The following TTK variants were observed in gnomAD, a reference collection of about 807,000 sequenced individuals.
TTK encodes TTK protein kinase.
A neutral mutation model predicts 117.3 loss-of-function variants in TTK; 59 were observed. The ratio of observed to expected loss-of-function variants is 0.50; its 90% CI spans 0.41 to 0.62. The LOEUF is 0.62. TTK is among the 20% of genes least tolerant of loss of function. The pLI, the probability that TTK is intolerant of heterozygous loss-of-function variation, is 0.00. For missense variants in TTK, 921 were observed against 989.4 expected (o/e 0.93, Z 0.93); for synonymous variants, 302 against 325.0 (o/e 0.93, Z 0.76).
intron 5 of TTK, 39 bp downstream of exon 5, chr6:80,010,996 A>G: frequency 1.3e-6 from 2 of 1,557,738 alleles, no homozygotes; most frequent in Non-Finnish European, 1.7e-6. Flanking sequence ...TGTGGTAGGT[A>G]GTACTTCAAA....
chr6:80,041,341 A>T (rs1256359293), intron 21 of TTK, among the ~76,000 whole-genome samples: 2 of 151,942 alleles, frequency 1.3e-5, no homozygotes, highest in African/African-American at 2.4e-5. Context: ...AATCCATCTA[A>T]GTTGCCAAGA....
At chr6:80,006,295 ATGGT>A in intron 2 of TTK, 1 of 291,762 alleles carries the variant, frequency 3.4e-6, no homozygotes, top group Non-Finnish European at 6.6e-6. Flanking sequence ...TGTATTTCAA[ATGGT>A]TGGTCATTTG....
At chr6:80,040,843 CAT>C (rs1419242155) in intron 21 of TTK, 140 bp downstream of exon 21, 23 of 670,910 alleles carry the variant, frequency 3.4e-5, no homozygotes, top group South Asian at 1.2e-4. Context: ...AGATACTTAA[CAT>C]GTGCATTTTG....
intron 9 of TTK, among the ~76,000 whole-genome samples, chr6:80,014,058 C>G (rs1318699535): frequency 6.6e-6 from 1 of 152,070 alleles, no homozygotes; most frequent in East Asian, 1.9e-4. Flanking sequence ...TTTAGAGTAA[C>G]TACTCTCTTA....
At chr6:80,040,791 G>C in intron 21 of TTK, 88 bp downstream of exon 21, 1 of 1,217,456 alleles carries the variant, frequency 8.2e-7, no homozygotes, top group Non-Finnish European at 1.2e-6. Flanking sequence ...AAGAAAAGTT[G>C]GTCCAATCAT....
At chr6:80,009,040 T>C (rs1175522964) in intron 4 of TTK, among the ~76,000 whole-genome samples, 1 of 151,720 alleles carries the variant, frequency 6.6e-6, no homozygotes, top group Non-Finnish European at 1.5e-5. Flanking sequence ...CACTTGGTTC[T>C]TCATAGTCTG....
rs773610148 is a variant in TTK, at chr6:80,035,081, G to A, written c.1711G>A (p.Glu571Lys). The A allele has an allele frequency of 3.1e-6, 5 of 1,602,758 alleles. No homozygotes were observed. Among genetic ancestry groups the A allele is most frequent in the Non-Finnish European group, 4.2e-6 (5 of 1,176,484 alleles). Residue 571 changes from glutamate to lysine, a missense_variant, in exon 15 of 22, where the codon GAA (glutamate) becomes AAA (lysine). Glu to Lys is a moderately conservative substitution (Grantham distance 56, BLOSUM62 1). Transcript: ENST00000369798. ...DNQTLDSYRN[E>K]IAYLNKLQQH... Reference sequence around the variant, plus strand: ...CCAAACTCTTGATAGTTACCGGAACGAAATAGCTTATTTGAATAAACTACA... The same window carrying A: ...CCAAACTCTTGATAGTTACCGGAACAAAATAGCTTATTTGAATAAACTACA...
chr6:80,041,886 T>C (rs1008425639), intron 21 of TTK, among the ~76,000 whole-genome samples: 2 of 151,712 alleles, frequency 1.3e-5, no homozygotes, highest in African/African-American at 4.8e-5. Flanking sequence ...GTAGCTCTGT[T>C]ATATTTCTCT....
At chr6:80,031,605 C>T in intron 14 of TTK, 46 bp downstream of exon 14, 1 of 1,394,412 alleles carries the variant, frequency 7.2e-7, no homozygotes, top group Non-Finnish European at 9.5e-7. Context: ...ATATTTTAAA[C>T]TTTCTGTTTT....
intron 8 of TTK, 109 bp from the exon 9 acceptor site, chr6:80,013,170 C>T (rs1386135082): frequency 2.4e-6 from 2 of 832,316 alleles, no homozygotes; most frequent in South Asian, 1.8e-5. Flanking sequence ...AGATTTTTTT[C>T]AATAAAAAGT....
At chr6:80,016,609 A>T (rs756705179) in intron 10 of TTK, among the ~76,000 whole-genome samples, 26 of 152,018 alleles carry the variant, frequency 1.7e-4, no homozygotes, top group Non-Finnish European at 3.1e-4. Context: ...TATTTATATG[A>T]TCTAGATATA....
At chr6:80,007,670 C>T (rs1767029034) in intron 2 of TTK, 139 bp from the exon 3 acceptor site, 2 of 565,160 alleles carry the variant, frequency 3.5e-6, no homozygotes, top group Admixed American at 3.8e-5. Context: ...TGAACTTTTA[C>T]AATTTTAAAA....
At chr6:80,033,306 A>G (rs1389909366) in intron 14 of TTK, among the ~76,000 whole-genome samples, 3 of 152,142 alleles carry the variant, frequency 2.0e-5, no homozygotes, top group East Asian at 1.9e-4. Flanking sequence ...AGATATCCTC[A>G]TGTGTCTTCT....
chr6:80,007,484 A>G (rs1185842224), intron 2 of TTK, among the ~76,000 whole-genome samples: 1 of 152,124 alleles, frequency 6.6e-6, no homozygotes, highest in Non-Finnish European at 1.5e-5. Context: ...TGCTAAAATT[A>G]TAGTTATCCT....
Position 80,011,799 on chromosome 6 carries a change from C to T in TTK, c.799C>T (p.Gln267Ter). 4.3e-6 allele frequency: 7 copies of T among 1,612,602 alleles called. No individual in the cohort carries two copies. Among genetic ancestry groups the T allele is most frequent in the Non-Finnish European group, 5.9e-6 (7 of 1,179,110 alleles). ...NSLRQTNKTK[Q>*]SCPFGRVPVN... ...ATTGAGACAAACTAACAAAACTAAA[C>T]AGGTAAGTTACTTTCAATCTGCTTG... The change falls in exon 7 of 22, where the codon CAG becomes TAG. Residue 267 changes from glutamine (Q) to a stop codon, truncating the protein, a stop_gained and splice_region_variant. Coordinates refer to ENST00000369798, the MANE Select transcript of TTK (RefSeq NM_003318.5). LOFTEE classifies it high-confidence loss of function.
Position 80,010,802 on chromosome 6 carries a change from T to C in TTK, c.470-12T>C. On this transcript the variant is annotated splice_polypyrimidine_tract_variant and intron_variant, in intron 4 of 21. Coordinates refer to ENST00000369798, the MANE Select transcript of TTK (RefSeq NM_003318.5). ...ACTGCCTAAAAATGACAATTATCTTTTGCTTTGTTAGGTAATGTCAAAAAA... is the reference window on the plus strand; with the variant it reads ...ACTGCCTAAAAATGACAATTATCTTCTGCTTTGTTAGGTAATGTCAAAAAA... The C allele has an allele frequency of 6.2e-7, 1 of 1,603,708 alleles. No homozygotes were observed. The highest frequency in any genetic ancestry group is 1.1e-5 in the South Asian group (1 of 89,930).
At chr6:80,039,629 A>C in intron 18 of TTK, 67 bp from the exon 19 acceptor site, 1 of 1,200,590 alleles carries the variant, frequency 8.3e-7, no homozygotes, top group South Asian at 1.9e-5. Context: ...TATATTTAAT[A>C]TATATGTTTT....
Position 80,035,379 on chromosome 6 carries a change from A to G in TTK, c.1886A>G (p.Lys629Arg). 6.2e-7 allele frequency: 1 copy of G among 1,611,084 alleles called. No homozygotes were observed. The highest frequency in any genetic ancestry group is 1.3e-5 in the African/African-American group (1 of 74,870). ...CCATGGGAACGCAAGAGTTACTGGA[A>G]AAATATGTTAGAGGCAGTTCACACA... ...IDPWERKSYW[K>R]NMLEAVHTIH... Residue 629 changes from lysine to arginine, a missense_variant, in exon 16 of 22, where the codon AAA becomes AGA. Transcript: ENST00000369798.
chr6:80,017,487 C>T (rs239571), intron 10 of TTK, among the ~76,000 whole-genome samples: 93,919 of 151,986 alleles, frequency 0.62, 29,466 homozygotes, highest in Admixed American at 0.73. Context: ...CTATGTTGCC[C>T]AGGCTGGTCT....
Sources: allele counts gnomAD v4.1 joint callset (sites outside exome capture counted in the v4.1 genomes callset), GRCh38; gene constraint gnomAD v4.1.1; transcripts MANE v1.5; gene names NCBI Gene and HGNC (gene_info 2026-07-23, HGNC 2026-07-21).